Variants in AHR observed in about 807,000 individuals in gnomAD.
AHR encodes aryl hydrocarbon receptor.
A neutral mutation model predicts 86.8 loss-of-function variants in AHR; 40 were observed. The ratio of observed to expected loss-of-function variants is 0.46; its 90% CI spans 0.36 to 0.60. The LOEUF (loss-of-function observed/expected upper bound fraction) is 0.60. Among genes scored for constraint, AHR ranks in the 20% least tolerant of loss-of-function variants. The pLI, the probability that AHR is intolerant of heterozygous loss-of-function variation, is 0.00. For missense variants in AHR, 1,001 were observed against 1,011.6 expected (o/e 0.99, Z 0.14); for synonymous variants, 398 against 354.9 (o/e 1.12, Z -1.37).
In AHR at chr7:17,339,025, G is replaced by T; in HGVS notation, c.1200G>T (p.Thr400=). 6.2e-7 allele frequency: 1 copy of T among 1,613,838 alleles called. No individual in the cohort carries two copies. Among genetic ancestry groups the T allele is most frequent in the Non-Finnish European group, 8.5e-7 (1 of 1,179,948 alleles). Reference sequence around the variant, plus strand: ...CAGAGCATTTACGAAAACGAAATACGAAGTTGCCTTTTATGTTTACCACTG... The same window carrying T: ...CAGAGCATTTACGAAAACGAAATACTAAGTTGCCTTTTATGTTTACCACTG... ...EGTEHLRKRN[T]KLPFMFTTGE... is the part of the protein sequence containing the mutation. Residue 400 remains threonine, a synonymous_variant, in exon 10 of 11, where the codon ACG becomes ACT. Coordinates refer to ENST00000242057, the MANE Select transcript of AHR (RefSeq NM_001621.5).
At chr7:17,325,580 A>G (rs915754495) in intron 3 of AHR, among the ~76,000 whole-genome samples, 1 of 152,292 alleles carries the variant, frequency 6.6e-6, no homozygotes, top group South Asian at 2.1e-4. Flanking sequence ...ATCCTAAGAG[A>G]ATTGCCAGGT....
At chr7:17,332,518 A>G (rs1441668810) in intron 6 of AHR, among the ~76,000 whole-genome samples, 1 of 151,818 alleles carries the variant, frequency 6.6e-6, no homozygotes, top group Admixed American at 6.6e-5. Flanking sequence ...GACCTAAGCT[A>G]ATGTGTGGGT....
chr7:17,322,449 C>G (rs1230029983), intron 2 of AHR, 52 bp from the exon 3 acceptor site: 6 of 1,189,104 alleles, frequency 5.0e-6, no homozygotes, highest in Middle Eastern at 2.1e-4. Flanking sequence ...TCTATTATAG[C>G]TCTTTACTCT....
At chr7:17,308,700 AACACACAC>A (rs372879452) in intron 1 of AHR, among the ~76,000 whole-genome samples, 3 of 139,510 alleles carry the variant, frequency 2.2e-5, no homozygotes, top group Admixed American at 7.2e-5. Context: ...TACATACATA[AACACACAC>A]ACACACACAC....
chr7:17,308,426 T>TGGG (rs1782027399), intron 1 of AHR, among the ~76,000 whole-genome samples: 1 of 152,128 alleles, frequency 6.6e-6, no homozygotes, highest in African/African-American at 2.4e-5. Context: ...AGTGTTTACC[T>TGGG]GGGCTGTACA....
chr7:17,343,238 A>C lies in AHR; in HGVS notation c.*174A>C. 1.3e-6 allele frequency: 1 copy of C among 757,962 alleles called. No individual in the cohort carries two copies. Among genetic ancestry groups the C allele is most frequent in the Middle Eastern group, 2.5e-4 (1 of 4,020 alleles). The allele number at this position is 757,962 out of a possible 1,614,324, so 47.0% of individuals were successfully genotyped here. On this transcript the variant is annotated 3_prime_UTR_variant, in exon 11 of 11. Coordinates refer to ENST00000242057, the MANE Select transcript of AHR (RefSeq NM_001621.5). ...TTTTGCTTTTAGAAAAGGGAGTTTA[A>C]AAATGGTATCAAAATTACATATACT...
At chr7:17,323,185 C>CT (rs1782192442) in intron 3 of AHR, among the ~76,000 whole-genome samples, 1 of 152,054 alleles carries the variant, frequency 6.6e-6, no homozygotes. Flanking sequence ...GCAAGAACTC[C>CT]TAGAGTATTT....
chr7:17,335,719 T>G lies in AHR; in HGVS notation c.1093T>G (p.Ser365Ala). The change falls in exon 9 of 11, where the codon TCT becomes GCT. Residue 365 changes from serine (S) to alanine (A), a missense_variant. Physicochemically the swap from Ser to Ala is moderately conservative, Grantham distance 99 (BLOSUM62 1). This residue lies in a region of AHR where 394 missense variants were observed against 468.5 expected (regional missense o/e 0.84). Coordinates refer to ENST00000242057, the MANE Select transcript of AHR (RefSeq NM_001621.5). ...TKNNRWTWVQ[S>A]NARLLYKNGR... ...AAACAACCGATGGACTTGGGTCCAG[T>G]CTAATGCACGCCTGCTTTATAAAAA... The G allele has an allele frequency of 6.2e-7, 1 of 1,611,930 alleles. No individual in the cohort carries two copies. The highest frequency in any genetic ancestry group is 8.5e-7 in the Non-Finnish European group (1 of 1,178,672).
At chr7:17,327,596 T>G (rs1369566110) in intron 3 of AHR, among the ~76,000 whole-genome samples, 163 bp from the exon 4 acceptor site, 2 of 151,966 alleles carry the variant, frequency 1.3e-5, no homozygotes, top group African/African-American at 4.8e-5. Flanking sequence ...AAGGTATGAA[T>G]AGATATTTCT....
intron 1 of AHR, among the ~76,000 whole-genome samples, chr7:17,309,300 C>G (rs1782038895): frequency 6.6e-6 from 1 of 152,176 alleles, no homozygotes; most frequent in Non-Finnish European, 1.5e-5. Flanking sequence ...CACCATTAAC[C>G]TCTAATATTT....
At chr7:17,332,037 G>T (rs1055038987) in intron 6 of AHR, among the ~76,000 whole-genome samples, 1 of 151,874 alleles carries the variant, frequency 6.6e-6, no homozygotes, top group African/African-American at 2.4e-5. Flanking sequence ...GCATAATGAT[G>T]CTTTGGTCAA....
In AHR at chr7:17,330,019, A is replaced by G; in HGVS notation, c.518A>G (p.Gln173Arg). ...GAAGACCGAGCTGAATTTCAGCGTC[A>G]GCTACACTGGGCATTAAATCCTTCT... ...HTEDRAEFQRQLHWALNPSQC... is the reference protein window; with the variant it reads ...HTEDRAEFQRRLHWALNPSQC... Residue 173 changes from glutamine to arginine, a missense_variant, in exon 5 of 11, where the codon CAG becomes CGG. Gln to Arg is a conservative substitution (Grantham distance 43, BLOSUM62 1). This residue lies in a region of AHR where 394 missense variants were observed against 468.5 expected (regional missense o/e 0.84). Transcript: ENST00000242057. 2 of 1,611,514 alleles carry G rather than the reference A, an allele frequency of 1.2e-6. No individual in the cohort carries two copies. Among genetic ancestry groups the G allele is most frequent in the Non-Finnish European group, 1.7e-6 (2 of 1,178,054 alleles).
chr7:17,301,159 C>T (rs140293134), intron 1 of AHR, among the ~76,000 whole-genome samples: 231 of 152,052 alleles, frequency 1.5e-3, no homozygotes, highest in Admixed American at 5.6e-3. Flanking sequence ...TGCTGAGCAC[C>T]GTATATTGCT....
Position 17,340,044 on chromosome 7 carries a change from C to G in AHR, c.2219C>G (p.Thr740Ser), listed in dbSNP as rs751353772. 5 of 1,614,086 alleles carry G rather than the reference C, an allele frequency of 3.1e-6. No individual in the cohort carries two copies. Among genetic ancestry groups the G allele is most frequent in the East Asian group, 4.5e-5 (2 of 44,894 alleles). Reference protein sequence around the residue: ...PTTSSLEDFVTCLQLPENQKH... With the variant: ...PTTSSLEDFVSCLQLPENQKH... ...ACTTCTAGTTTAGAAGATTTTGTCACTTGTTTACAACTTCCTGAAAACCAA... is the reference window on the plus strand; with the variant it reads ...ACTTCTAGTTTAGAAGATTTTGTCAGTTGTTTACAACTTCCTGAAAACCAA... Residue 740 changes from threonine to serine, a missense_variant, in exon 10 of 11, where the codon ACT becomes AGT. Thr to Ser is a moderately conservative substitution (Grantham distance 58). Around this residue, in one of 2 missense-constraint regions of AHR, gnomAD observed 607 missense variants for 543.1 expected, o/e 1.12. Coordinates refer to ENST00000242057, the MANE Select transcript of AHR (RefSeq NM_001621.5).
At chr7:17,334,747 C>T in intron 7 of AHR, 140 bp from the exon 8 acceptor site, 2 of 595,094 alleles carry the variant, frequency 3.4e-6, no homozygotes, top group Non-Finnish European at 2.9e-6. Context: ...TGTTTAATTT[C>T]ACATCTACTT....
intron 9 of AHR, 36 bp downstream of exon 9, chr7:17,335,822 T>G: frequency 6.3e-7 from 1 of 1,593,416 alleles, no homozygotes; most frequent in Non-Finnish European, 8.5e-7. Context: ...TTAACAGTTT[T>G]GTTTTCATAA....
In AHR at chr7:17,339,405, A is replaced by T; in HGVS notation, c.1580A>T (p.His527Leu). ...GATGTGAACTCATTTGCTGGAGGTC[A>T]CCCAGGGCTCTTTCAAGATAGTAAA... ...PQDVNSFAGGHPGLFQDSKNS... is the reference protein window; with the variant it reads ...PQDVNSFAGGLPGLFQDSKNS... The change falls in exon 10 of 11, where the codon CAC becomes CTC. Residue 527 changes from histidine to leucine, a missense_variant. By Grantham distance (99) the His-to-Leu change is moderately conservative (BLOSUM62 -3). Coordinates refer to ENST00000242057, the MANE Select transcript of AHR (RefSeq NM_001621.5). 2 of 1,614,214 alleles carry T rather than the reference A, an allele frequency of 1.2e-6. No homozygotes were observed. Among genetic ancestry groups the T allele is most frequent in the Non-Finnish European group, 1.7e-6 (2 of 1,180,036 alleles).
chr7:17,332,791 C>T (rs1031656759), intron 6 of AHR, among the ~76,000 whole-genome samples: 35 of 151,776 alleles, frequency 2.3e-4, no homozygotes, highest in Admixed American at 5.9e-4. Context: ...ATAAATTCAG[C>T]GTAGCCTAAG....
At position 17,342,951 on chromosome 7, in the gene AHR, C is replaced by G; in HGVS notation, c.2434C>G (p.Pro812Ala). 1 of 1,612,668 alleles carries G rather than the reference C, an allele frequency of 6.2e-7. No individual in the cohort carries two copies. The highest frequency in any genetic ancestry group is 8.5e-7 in the Non-Finnish European group (1 of 1,179,296). ...GAATGGAGTTTTAAATGAAACATATCCAGCTGAATTAAATAACATAAATAA... is the reference window on the plus strand; with the variant it reads ...GAATGGAGTTTTAAATGAAACATATGCAGCTGAATTAAATAACATAAATAA... ...FQNGVLNETYPAELNNINNTQ... is the reference protein window; with the variant it reads ...FQNGVLNETYAAELNNINNTQ... Residue 812 changes from proline (P) to alanine (A), a missense_variant, in exon 11 of 11, where the codon CCA (proline) becomes GCA (alanine). By Grantham distance (27) the Pro-to-Ala change is conservative. Around this residue, in one of 2 missense-constraint regions of AHR, gnomAD observed 607 missense variants for 543.1 expected, o/e 1.12. Coordinates refer to ENST00000242057, the MANE Select transcript of AHR (RefSeq NM_001621.5).
Sources: allele counts gnomAD v4.1 joint callset (sites outside exome capture counted in the v4.1 genomes callset), GRCh38; gene constraint gnomAD v4.1.1; regional missense constraint gnomAD v4.1.1; transcripts MANE v1.5; gene names NCBI Gene and HGNC (gene_info 2026-07-23, HGNC 2026-07-21).